Variants in CHST9 observed in about 807,000 individuals in gnomAD.
The protein encoded by CHST9 is carbohydrate sulfotransferase 9, also known as GalNAc-4-sulfotransferase 2.
In CHST9, 41 loss-of-function variants were observed where a neutral mutation model predicts 44.4. That is an observed-to-expected ratio of 0.92 (90% CI 0.72 to 1.20). The LOEUF (loss-of-function observed/expected upper bound fraction) is 1.20, where lower values mean the gene tolerates loss of function less well. Among genes scored for constraint, CHST9 ranks in the 50% most tolerant of loss-of-function variants. The pLI, the probability that CHST9 is intolerant of heterozygous loss-of-function variation, is 0.00. For missense variants in CHST9, 504 were observed against 516.5 expected (o/e 0.98, Z 0.23); for synonymous variants, 171 against 178.4 (o/e 0.96, Z 0.33).
intron 4 of CHST9, among the ~76,000 whole-genome samples, chr18:26,994,934 C>T (rs1041905387): frequency 6.6e-6 from 1 of 151,990 alleles, no homozygotes; most frequent in African/African-American, 2.4e-5. Context: ...AGCAGAGTGA[C>T]AGGACATCAG....
chr18:27,155,469 G>C (rs1193803681), intron 1 of CHST9, among the ~76,000 whole-genome samples: 1 of 152,136 alleles, frequency 6.6e-6, no homozygotes, highest in Non-Finnish European at 1.5e-5. Flanking sequence ...ATGTGGCAAA[G>C]CCAGAATGAG....
At chr18:27,090,334 T>G (rs1376791832) in intron 2 of CHST9, among the ~76,000 whole-genome samples, 1 of 152,202 alleles carries the variant, frequency 6.6e-6, no homozygotes, top group East Asian at 1.9e-4. Context: ...TCTTTGTAGG[T>G]TCTGGATATT....
In CHST9 at chr18:27,111,121, C is replaced by T. The variant is rs1312245098; in HGVS notation, c.121+31568G>A. Reference sequence around the variant, plus strand: ...AACAGGGCTCCCTGATGCTGCGGGGCTGATGACCATGAGAGAACAAACCTT... The same window carrying T: ...AACAGGGCTCCCTGATGCTGCGGGGTTGATGACCATGAGAGAACAAACCTT... On this transcript the variant is annotated intron_variant, in intron 2 of 5. Coordinates refer to ENST00000618847, the MANE Select transcript of CHST9 (RefSeq NM_031422.6). Among the ~76,000 whole-genome samples, 6 of 152,328 alleles carry T rather than the reference C, an allele frequency of 3.9e-5. No homozygotes were observed. In the East Asian group the frequency reaches 9.7e-4, roughly 25 times the overall value.
At chr18:26,928,209 AAC>A (rs1216296683) in intron 5 of CHST9, 5 of 153,216 alleles carry the variant, frequency 3.3e-5, no homozygotes, top group African/African-American at 1.2e-4. Context: ...TAGACACAGT[AAC>A]AGTCTGACTT....
intron 2 of CHST9, among the ~76,000 whole-genome samples, chr18:27,090,091 G>A (rs974100131): frequency 4.6e-5 from 7 of 152,184 alleles, no homozygotes; most frequent in South Asian, 4.2e-4. Flanking sequence ...GATTACAGGC[G>A]TGAGCCACCG....
At chr18:26,958,627 T>C (rs370995147) in intron 4 of CHST9, among the ~76,000 whole-genome samples, 46 of 152,114 alleles carry the variant, frequency 3.0e-4, no homozygotes, top group African/African-American at 8.7e-4. Context: ...CTTAAACAAT[T>C]GAACAAGCAA....
intron 4 of CHST9, among the ~76,000 whole-genome samples, chr18:27,012,584 T>C (rs1253728693): frequency 6.6e-6 from 1 of 152,180 alleles, no homozygotes; most frequent in African/African-American, 2.4e-5. Flanking sequence ...ACCCATGTTG[T>C]TCCCAGGGTT....
intron 2 of CHST9, among the ~76,000 whole-genome samples, chr18:27,072,372 C>T (rs1439542494): frequency 6.6e-6 from 1 of 152,018 alleles, no homozygotes; most frequent in Non-Finnish European, 1.5e-5. Context: ...GCAACAATTT[C>T]ATGATTTGTT....
intron 2 of CHST9, among the ~76,000 whole-genome samples, chr18:27,112,578 C>CAT (rs1236465519): frequency 4.3e-5 from 6 of 140,534 alleles, no homozygotes; most frequent in Non-Finnish European, 6.1e-5. Flanking sequence ...GGATATTCAA[C>CAT]GTGTGTGTGT....
chr18:26,961,048 T>C (rs937345203), intron 4 of CHST9, among the ~76,000 whole-genome samples: 1 of 152,222 alleles, frequency 6.6e-6, no homozygotes, highest in African/African-American at 2.4e-5. Flanking sequence ...CCAGCACTTC[T>C]GTGGGATAAG....
At chr18:27,062,469 T>C in intron 2 of CHST9, among the ~76,000 whole-genome samples, 1 of 152,214 alleles carries the variant, frequency 6.6e-6, no homozygotes, top group East Asian at 1.9e-4. Context: ...GCTTCATCCA[T>C]GTCCCCACAA....
intron 1 of CHST9, among the ~76,000 whole-genome samples, chr18:27,179,449 A>G (rs563720401): frequency 6.6e-6 from 1 of 152,136 alleles, no homozygotes; most frequent in Non-Finnish European, 1.5e-5. Context: ...CCTACATAAA[A>G]ATCTTGGTTA....
At chr18:26,999,664 A>C (rs562735274) in intron 4 of CHST9, among the ~76,000 whole-genome samples, 94 of 152,274 alleles carry the variant, frequency 6.2e-4, no homozygotes, top group African/African-American at 2.1e-3. Context: ...TATATTATAT[A>C]ATTTTGTATA....
At position 27,032,251 on chromosome 18, in the gene CHST9, C is replaced by T. The variant is rs571872642; in HGVS notation, c.161-8094G>A. On this transcript the variant is annotated intron_variant, in intron 3 of 5. Transcript: ENST00000618847. The stretch of plus-strand genomic sequence containing the variant: ...ACACAGAAACACCCCGTATGTGAAG[C>T]CTTAGAGGTCCAGAGATGGAGTTTA... Among the ~76,000 whole-genome samples, 4 of 152,248 alleles carry T rather than the reference C, an allele frequency of 2.6e-5. No individual in the cohort carries two copies. The South Asian group carries it at 6.2e-4, about 24-fold the overall frequency.
At chr18:27,093,324 C>A (rs118045939) in intron 2 of CHST9, among the ~76,000 whole-genome samples, 3,402 of 152,356 alleles carry the variant, frequency 0.022, 60 homozygotes, top group South Asian at 0.062. Flanking sequence ...TGTTTGCTGT[C>A]TTTTGTTCAG....
At position 26,914,689 on chromosome 18, in the gene CHST9, G is replaced by A. The variant is rs775383320; in HGVS notation, c.*1570C>T. ...GACACGGCAGGTGTGTGTAAGGAGC[G>A]AAGCAATTCATGAATACTCAGCCAT... is the stretch of plus-strand genomic sequence containing the variant. On this transcript the variant is annotated 3_prime_UTR_variant, in exon 6 of 6. Coordinates refer to ENST00000618847, the MANE Select transcript of CHST9 (RefSeq NM_031422.6). 131 of 367,100 alleles carry A rather than the reference G, an allele frequency of 3.6e-4. No individual in the cohort carries two copies. The highest frequency in any genetic ancestry group is 4.2e-4 in the Non-Finnish European group (86 of 206,674). 22.7% of individuals were successfully genotyped at this position (367,100 alleles called of 1,614,324 possible).
chr18:27,035,635 C>T (rs1179247226), intron 3 of CHST9, among the ~76,000 whole-genome samples: 1 of 151,898 alleles, frequency 6.6e-6, no homozygotes, highest in African/African-American at 2.4e-5. Flanking sequence ...AGAAGAAAAT[C>T]CTGCCATTTG....
intron 3 of CHST9, among the ~76,000 whole-genome samples, chr18:27,037,448 C>T (rs770346071): frequency 8.5e-5 from 13 of 152,082 alleles, no homozygotes; most frequent in Non-Finnish European, 1.6e-4. Flanking sequence ...TCAGCACTTT[C>T]GGAGGCCAAG....
At chr18:27,104,037 T>A (rs564513069) in intron 2 of CHST9, among the ~76,000 whole-genome samples, 1 of 152,178 alleles carries the variant, frequency 6.6e-6, no homozygotes, top group African/African-American at 2.4e-5. Flanking sequence ...AAATATATAA[T>A]ATGATATTTA....
Sources: gnomAD v4.1 joint callset for allele counts (sites outside exome capture counted in the v4.1 genomes callset) on GRCh38, gnomAD v4.1.1 for gene constraint, MANE v1.5 for transcripts, NCBI Gene and HGNC (gene_info 2026-07-23, HGNC 2026-07-21) for gene names.